The following SDK1 variants were observed in gnomAD, a reference collection of about 807,000 sequenced individuals.
SDK1 encodes the protein protein sidekick-1.
A neutral mutation model predicts 245.5 loss-of-function variants in SDK1; 157 were observed. The observed-to-expected ratio is 0.64, with a 90% CI of 0.56 to 0.73. The LOEUF is 0.73. Among genes scored for constraint, SDK1 ranks in the 30% least tolerant of loss-of-function variants. The pLI is 0.00. For missense variants in SDK1, 3,583 were observed against 3,002.3 expected, an observed-to-expected ratio of 1.19 and a Z score of -4.52; for synonymous variants, 1,647 against 1,278.5, an observed-to-expected ratio of 1.29 and a Z score of -6.15.
chr7:3,325,668 A>G lies in SDK1; in HGVS notation c.298+23784A>G, dbSNP rs556108187. On this transcript the variant is annotated intron_variant, in intron 1 of 44. Coordinates refer to ENST00000404826, the MANE Select transcript of SDK1 (RefSeq NM_152744.4). ...CAAAATGAACCAGCTTCCTGTGTAA[A>G]ATTATTAATATTGCTAAATAATGTA... Among the ~76,000 whole-genome samples the G allele has an allele frequency of 9.2e-5, 14 of 152,286 alleles. No homozygotes were observed. The South Asian group carries it at 2.7e-3, about 29-fold the overall frequency.
chr7:4,060,388 A>C (rs900283577), intron 19 of SDK1, among the ~76,000 whole-genome samples: 7 of 152,240 alleles, frequency 4.6e-5, no homozygotes, highest in African/African-American at 1.4e-4. Flanking sequence ...AGACCTAATG[A>C]AACAAAGACT....
chr7:3,653,077 C>T (rs35635220), intron 4 of SDK1, among the ~76,000 whole-genome samples: 36,597 of 152,148 alleles, frequency 0.24, 4,890 homozygotes, highest in Non-Finnish European at 0.3. Context: ...AATCTGGTGA[C>T]GCAGATGAGA....
At chr7:3,680,909 C>G (rs1784078891) in intron 4 of SDK1, among the ~76,000 whole-genome samples, 4 of 152,146 alleles carry the variant, frequency 2.6e-5, no homozygotes, top group African/African-American at 9.7e-5. Context: ...GTGATGCTAT[C>G]TTGGCTCACT....
intron 30 of SDK1, among the ~76,000 whole-genome samples, chr7:4,156,369 C>G (rs1175539530): frequency 6.6e-6 from 1 of 152,216 alleles, no homozygotes; most frequent in East Asian, 1.9e-4. Flanking sequence ...TACCAGAACT[C>G]TGGAGCAAAG....
At chr7:3,307,062 A>G (rs934776989) in intron 1 of SDK1, among the ~76,000 whole-genome samples, 5 of 152,150 alleles carry the variant, frequency 3.3e-5, no homozygotes, top group African/African-American at 1.2e-4. Flanking sequence ...ATTAAGGTTT[A>G]TTTACAAAAG....
chr7:3,669,478 C>T (rs573472981), intron 4 of SDK1, among the ~76,000 whole-genome samples: 5 of 151,888 alleles, frequency 3.3e-5, no homozygotes, highest in Non-Finnish European at 5.9e-5. Flanking sequence ...ATTGACTGTT[C>T]GGTTTACTTC....
chr7:3,867,121 A>G (rs748949190), intron 5 of SDK1, among the ~76,000 whole-genome samples: 22 of 152,216 alleles, frequency 1.4e-4, no homozygotes, highest in Non-Finnish European at 2.2e-4. Flanking sequence ...AAAGCTAAGA[A>G]AAATTAAGCT....
rs555755324 is a variant in SDK1, at chr7:3,377,725, G to C, written c.298+75841G>C. On this transcript the variant is annotated intron_variant, in intron 1 of 44. Coordinates refer to ENST00000404826, the MANE Select transcript of SDK1 (RefSeq NM_152744.4). ...ACACAGGGCAGGGGGCTGTGTGTGG[G>C]GGTGCTTCCTAGCCACGCTGTTCCA... Among the ~76,000 whole-genome samples, 5 of 151,732 alleles carry C rather than the reference G, an allele frequency of 3.3e-5. No individual in the cohort carries two copies. The South Asian group carries it at 1.1e-3, about 32-fold the overall frequency.
intron 22 of SDK1, among the ~76,000 whole-genome samples, chr7:4,083,050 T>A (rs961353192): frequency 9.9e-5 from 15 of 152,208 alleles, no homozygotes; most frequent in African/African-American, 3.6e-4. Context: ...CATTTTGTTG[T>A]CATGTCTCTC....
At chr7:3,406,581 G>C (rs1039366961) in intron 1 of SDK1, among the ~76,000 whole-genome samples, 1 of 152,046 alleles carries the variant, frequency 6.6e-6, no homozygotes, top group East Asian at 1.9e-4. Flanking sequence ...ATCGTTTTGT[G>C]GATTAAGTGA....
chr7:3,468,445 T>G (rs2128597544), intron 1 of SDK1, among the ~76,000 whole-genome samples: 1 of 152,250 alleles, frequency 6.6e-6, no homozygotes, highest in Non-Finnish European at 1.5e-5. Context: ...AGAATTTGTC[T>G]TCCCCAAGGC....
chr7:3,392,372 C>T (rs984923134), intron 1 of SDK1, among the ~76,000 whole-genome samples: 3 of 151,872 alleles, frequency 2.0e-5, no homozygotes, highest in African/African-American at 7.3e-5. Flanking sequence ...AATTGTGGTG[C>T]CTTTAAGTTG....
chr7:3,798,874 A>G (rs1779034589), intron 4 of SDK1, among the ~76,000 whole-genome samples: 1 of 152,204 alleles, frequency 6.6e-6, no homozygotes, highest in Non-Finnish European at 1.5e-5. Context: ...GGTTATGCAC[A>G]TACTCTGCTT....
At chr7:3,978,009 C>G (rs559850190) in intron 13 of SDK1, among the ~76,000 whole-genome samples, 2 of 152,166 alleles carry the variant, frequency 1.3e-5, no homozygotes, top group Non-Finnish European at 2.9e-5. Context: ...CTACCAAAAC[C>G]CAAACAGTGA....
rs1056150394 is a variant in SDK1 at position 4,168,369 on chromosome 7, C to T, written c.4801-5853C>T. Among the ~76,000 whole-genome samples the T allele has an allele frequency of 2.6e-5, 4 of 152,222 alleles. No homozygotes were observed. The East Asian group carries it at 5.8e-4, about 22-fold the overall frequency. On this transcript the variant is annotated intron_variant, in intron 32 of 44. Coordinates refer to ENST00000404826, the MANE Select transcript of SDK1 (RefSeq NM_152744.4). Reference sequence around the variant, plus strand: ...CGGACACTGTGTCTGTTGGGCAAGGCGGATTGGCCATTTCTTATAGCTCTA... The same window carrying T: ...CGGACACTGTGTCTGTTGGGCAAGGTGGATTGGCCATTTCTTATAGCTCTA...
chr7:3,986,758 G>A (rs1430928152), intron 13 of SDK1, among the ~76,000 whole-genome samples: 1 of 152,208 alleles, frequency 6.6e-6, no homozygotes, highest in Non-Finnish European at 1.5e-5. Context: ...CTACTAGGGA[G>A]ACTGAGGCAG....
chr7:4,248,842 C>A (rs1787099343), intron 44 of SDK1, among the ~76,000 whole-genome samples: 1 of 152,128 alleles, frequency 6.6e-6, no homozygotes, highest in Admixed American at 6.5e-5. Context: ...ATACTACATG[C>A]ATGTACGCAT....
chr7:4,069,778 T>G (rs914234012), intron 20 of SDK1, among the ~76,000 whole-genome samples: 3 of 152,206 alleles, frequency 2.0e-5, no homozygotes, highest in Non-Finnish European at 4.4e-5. Flanking sequence ...CCACTGTGTT[T>G]GTCACCCTAG....
intron 1 of SDK1, among the ~76,000 whole-genome samples, chr7:3,337,222 T>G (rs1228777754): frequency 6.6e-6 from 1 of 152,082 alleles, no homozygotes; most frequent in Non-Finnish European, 1.5e-5. Flanking sequence ...AAATAATTTA[T>G]TAAAAACCAA....
Sources: gnomAD v4.1 joint callset for allele counts (sites outside exome capture counted in the v4.1 genomes callset) on GRCh38, gnomAD v4.1.1 for gene constraint, MANE v1.5 for transcripts, NCBI Gene and HGNC (gene_info 2026-07-23, HGNC 2026-07-21) for gene names.